SVIL: variants seen among roughly 807,000 people sequenced by gnomAD.
SVIL encodes archvillin.
Under a neutral mutation model 240.4 loss-of-function variants are expected in SVIL, and 101 were observed. That is an observed-to-expected ratio of 0.42 (90% CI 0.36 to 0.50). The LOEUF is 0.50. Among genes scored for constraint, SVIL ranks in the 20% least tolerant of loss-of-function variants. SVIL has a pLI of 0.01. For synonymous variants in SVIL, 999 were observed against 1,100.0 expected (o/e 0.91, Z 1.82); for missense variants, 2,512 against 2,818.7 (o/e 0.89, Z 2.46).
At chr10:29,644,130 T>C (rs2132988696) in intron 3 of SVIL, 2 of 427,592 alleles carry the variant, frequency 4.7e-6, no homozygotes, top group Non-Finnish European at 4.8e-6. Flanking sequence ...AACAGAACCA[T>C]GGAGGCTGCT....
chr10:29,622,850 C>T (rs755029011), intron 1 of SVIL, among the ~76,000 whole-genome samples: 1 of 152,170 alleles, frequency 6.6e-6, no homozygotes, highest in African/African-American at 2.4e-5. Flanking sequence ...GCTCCCTAAG[C>T]GAGAGCTGCC....
chr10:29,588,420 T>C (rs1470513934), intron 1 of SVIL, among the ~76,000 whole-genome samples: 7 of 151,920 alleles, frequency 4.6e-5, no homozygotes, highest in South Asian at 2.1e-4. Flanking sequence ...GTGCAGTTTC[T>C]TGGACACCCA....
chr10:29,484,570 C>T lies in SVIL; in HGVS notation c.4955+86G>A. On this transcript the variant is annotated intron_variant, in intron 27 of 37. Transcript: ENST00000355867. This position sits in a 1 kb window ranked among gnomAD's most constrained non-coding sequence, Gnocchi z 4.7. ...TATGAAAACTGAACCCTATAAAGAG[C>T]GAGAGTAGAGGACTGTGGTGAGAAC... 11 of 1,242,710 alleles carry T rather than the reference C, an allele frequency of 8.9e-6. No homozygotes were observed. The highest frequency in any genetic ancestry group is 2.6e-5 in the East Asian group (1 of 38,754). The allele number at this position is 1,242,710 out of a possible 1,614,324, so 77.0% of individuals were successfully genotyped here. A position where few individuals can be genotyped will look rare whatever the true frequency, so the allele number is the denominator to read the frequency against.
At chr10:29,495,806 G>A (rs1372414666) in intron 18 of SVIL, among the ~76,000 whole-genome samples, 4 of 152,112 alleles carry the variant, frequency 2.6e-5, no homozygotes, top group Non-Finnish European at 5.9e-5. Flanking sequence ...ATCTTTAAAA[G>A]GGCAAGTGGT....
intron 1 of SVIL, among the ~76,000 whole-genome samples, chr10:29,583,382 C>T (rs535000648): frequency 2.0e-5 from 3 of 152,276 alleles, no homozygotes; most frequent in East Asian, 3.9e-4. Flanking sequence ...ACTGCAGCCT[C>T]GACCTCCTAA....
intron 34 of SVIL, among the ~76,000 whole-genome samples, chr10:29,464,373 A>G (rs1944637403): frequency 6.6e-6 from 1 of 152,206 alleles, no homozygotes; most frequent in Non-Finnish European, 1.5e-5. Flanking sequence ...CAAGAGTTAG[A>G]GGCTGCAGTG....
intron 13 of SVIL, 138 bp from the exon 14 acceptor site, chr10:29,524,853 C>G: frequency 7.3e-7 from 1 of 1,364,986 alleles, no homozygotes; most frequent in Non-Finnish European, 9.9e-7. Flanking sequence ...AGGACAGAGG[C>G]AGGCAGCTGT....
At chr10:29,643,257 C>T (rs912645872) in intron 3 of SVIL, among the ~76,000 whole-genome samples, 2 of 152,216 alleles carry the variant, frequency 1.3e-5, no homozygotes. Context: ...TCTCTGTCTC[C>T]TTGCTTCTGC....
intron 31 of SVIL, 152 bp downstream of exon 31, chr10:29,470,986 A>G (rs943195636): frequency 1.4e-6 from 1 of 725,934 alleles, no homozygotes; most frequent in Non-Finnish European, 2.4e-6. Context: ...ATGAGCACCC[A>G]TAGAGCTGAG....
At chr10:29,554,749 T>A in intron 5 of SVIL, 34 bp downstream of exon 5, 1 of 1,502,638 alleles carries the variant, frequency 6.7e-7, no homozygotes. Flanking sequence ...CCAGGCAGCC[T>A]GCTGGAAAAT....
intron 16 of SVIL, among the ~76,000 whole-genome samples, chr10:29,516,721 C>T (rs923949761): frequency 5.3e-5 from 8 of 152,358 alleles, no homozygotes; most frequent in East Asian, 1.9e-4. Context: ...GACACTGGCC[C>T]GCTCACCCAA....
chr10:29,521,457 A>T (rs1340249918), intron 16 of SVIL, among the ~76,000 whole-genome samples: 1 of 152,116 alleles, frequency 6.6e-6, no homozygotes, highest in Non-Finnish European at 1.5e-5. Context: ...ATTTTTCTTC[A>T]CCCAGTTTTC....
Position 29,470,313 on chromosome 10 carries a change from C to G in SVIL, c.5806G>C (p.Glu1936Gln). 6.2e-7 allele frequency: 1 copy of G among 1,614,186 alleles called. No individual in the cohort carries two copies. Among genetic ancestry groups the G allele is most frequent in the Non-Finnish European group, 8.5e-7 (1 of 1,180,032 alleles). Residue 1936 changes from glutamate (E) to glutamine (Q), a missense_variant, in exon 32 of 38, where the codon GAG (glutamate) becomes CAG (glutamine). Coordinates refer to ENST00000355867, the MANE Select transcript of SVIL (RefSeq NM_021738.3). ...HGCKAQAHTK[E>Q]VGRTAANKIK... ...TTGTTCGCAGCGGTCCTTCCGACCT[C>G]CTTCGTGTGGGCCTGGGCTTTGCAT...
chr10:29,504,636 A>C (rs1949134032), intron 17 of SVIL, among the ~76,000 whole-genome samples: 1 of 152,248 alleles, frequency 6.6e-6, no homozygotes, highest in Admixed American at 6.5e-5. Context: ...CTTGCAAATT[A>C]AAACAAGGTG....
At chr10:29,541,413 C>T (rs1367391139) in intron 6 of SVIL, among the ~76,000 whole-genome samples, 1 of 152,128 alleles carries the variant, frequency 6.6e-6, no homozygotes, top group Non-Finnish European at 1.5e-5. Flanking sequence ...AAGCTGCATC[C>T]TTAAAATCTG....
chr10:29,588,876 A>G (rs1409505992), intron 1 of SVIL, among the ~76,000 whole-genome samples: 1 of 152,082 alleles, frequency 6.6e-6, no homozygotes, highest in African/African-American at 2.4e-5. Flanking sequence ...AGAGCCTCAC[A>G]AGAATGTGAC....
intron 17 of SVIL, among the ~76,000 whole-genome samples, chr10:29,500,862 G>T (rs1948833830): frequency 6.6e-6 from 1 of 152,148 alleles, no homozygotes. Flanking sequence ...ACCCACGAGA[G>T]AGAACTTCCT....
chr10:29,474,988 A>T lies in SVIL; in HGVS notation c.5378-999T>A, dbSNP rs181703434. On this transcript the variant is annotated intron_variant, in intron 29 of 37. Transcript: ENST00000355867. ...GGAACTGCACAGGCACTCGGTAAAC[A>T]TGAGCAGCACAGGAGGCAGATGAGA... is the stretch of plus-strand genomic sequence containing the variant. 7.4e-4 allele frequency among the ~76,000 whole-genome samples: 112 copies of T among 152,320 alleles called. 1 individual carries two copies. The highest frequency in any genetic ancestry group is 2.5e-3 in the African/African-American group (106 of 41,574).
intron 1 of SVIL, among the ~76,000 whole-genome samples, chr10:29,588,511 A>C (rs558732948): frequency 2.0e-5 from 3 of 152,324 alleles, no homozygotes; most frequent in African/African-American, 7.2e-5. Context: ...ACTCATGAAA[A>C]ATGGTTGCCT....
Sources: allele counts gnomAD v4.1 joint callset (sites outside exome capture counted in the v4.1 genomes callset), GRCh38; gene constraint gnomAD v4.1.1; non-coding constraint Gnocchi (gnomAD v3.1); transcripts MANE v1.5; gene names NCBI Gene and HGNC (gene_info 2026-07-23, HGNC 2026-07-21).